Variants in CACNA2D1 observed in about 807,000 individuals in gnomAD.
CACNA2D1 encodes the protein voltage-dependent calcium channel subunit alpha-2/delta-1.
Under a neutral mutation model 171.5 loss-of-function variants are expected in CACNA2D1, and 53 were observed. The ratio of observed to expected loss-of-function variants is 0.31; its 90% CI spans 0.25 to 0.39. The LOEUF is 0.39. Among genes scored for constraint, CACNA2D1 ranks in the 10% least tolerant of loss-of-function variants. CACNA2D1 has a pLI of 1.00. For synonymous variants in CACNA2D1, 442 were observed against 443.1 expected (o/e 1.00, Z 0.03); for missense variants, 903 against 1,299.8 (o/e 0.69, Z 4.69).
At chr7:81,991,943 T>C (rs1267625996) in intron 20 of CACNA2D1, among the ~76,000 whole-genome samples, 9 of 151,478 alleles carry the variant, frequency 5.9e-5, no homozygotes. Flanking sequence ...CATGCTATTC[T>C]CCTGCTTCAG....
intron 3 of CACNA2D1, among the ~76,000 whole-genome samples, chr7:82,228,974 G>A (rs755268277): frequency 5.9e-5 from 9 of 152,110 alleles, no homozygotes; most frequent in Non-Finnish European, 1.2e-4. Context: ...TGACTCTAAT[G>A]TTAGCTTGAG....
chr7:82,439,021 T>C (rs1830303684), intron 1 of CACNA2D1, among the ~76,000 whole-genome samples: 1 of 152,162 alleles, frequency 6.6e-6, no homozygotes, highest in South Asian at 2.1e-4. Flanking sequence ...GCCTAAGATA[T>C]GTTTCATTTT....
intron 3 of CACNA2D1, among the ~76,000 whole-genome samples, chr7:82,322,710 C>T (rs796490988): frequency 7.9e-5 from 12 of 152,188 alleles, no homozygotes; most frequent in East Asian, 1.9e-4. Flanking sequence ...AATGATAAAT[C>T]GTATCAGGAG....
intron 7 of CACNA2D1, among the ~76,000 whole-genome samples, chr7:82,067,154 T>C (rs1325986378): frequency 8.5e-5 from 13 of 152,212 alleles, no homozygotes; most frequent in Admixed American, 8.5e-4. Flanking sequence ...CATCTAATTG[T>C]ATTGATTTTT....
In CACNA2D1 at chr7:82,301,774, T is replaced by C. The variant is rs201886168; in HGVS notation, c.294+33361A>G. On this transcript the variant is annotated intron_variant, in intron 3 of 38. Coordinates refer to ENST00000356860, the MANE Select transcript of CACNA2D1 (RefSeq NM_000722.4). ...ACACACACACACACACACACACACATAGAGAGAGAGAGACAGAGGCTCTCC... is the reference window on the plus strand; with the variant it reads ...ACACACACACACACACACACACACACAGAGAGAGAGAGACAGAGGCTCTCC... Among the ~76,000 whole-genome samples the C allele has an allele frequency of 2.1e-3, 223 of 108,438 alleles. 1 individual carries two copies. Among genetic ancestry groups the C allele is most frequent in the Admixed American group, 5.2e-3 (52 of 9,968 alleles). The allele number at this position is 108,438 out of a possible 152,430, so 71.1% of individuals were successfully genotyped here.
intron 1 of CACNA2D1, among the ~76,000 whole-genome samples, chr7:82,420,614 T>C (rs1162030418): frequency 6.6e-6 from 1 of 152,144 alleles, no homozygotes; most frequent in African/African-American, 2.4e-5. Context: ...AAGGTGGAAA[T>C]CCAGTTCTGT....
intron 1 of CACNA2D1, among the ~76,000 whole-genome samples, chr7:82,427,232 C>T (rs1404310430): frequency 6.6e-6 from 1 of 152,038 alleles, no homozygotes; most frequent in East Asian, 1.9e-4. Context: ...GAGAGGAAAA[C>T]ATCAAACTTC....
intron 7 of CACNA2D1, among the ~76,000 whole-genome samples, chr7:82,069,367 T>C (rs923233911): frequency 3.3e-5 from 5 of 152,158 alleles, no homozygotes; most frequent in African/African-American, 1.2e-4. Context: ...TCAGGAAGAT[T>C]TGGGGATGGG....
chr7:82,311,211 T>G (rs975816251), intron 3 of CACNA2D1, among the ~76,000 whole-genome samples: 1 of 152,120 alleles, frequency 6.6e-6, no homozygotes, highest in Non-Finnish European at 1.5e-5. Flanking sequence ...CTTATTCTGA[T>G]GCTTTTTGTC....
intron 7 of CACNA2D1, 33 bp from the exon 8 acceptor site, chr7:82,066,557 C>T: frequency 6.4e-7 from 1 of 1,559,152 alleles, no homozygotes; most frequent in South Asian, 1.2e-5. Context: ...GATATTAAAT[C>T]AAAATATTAG....
At chr7:82,185,426 AAAAT>A (rs1308125842) in intron 3 of CACNA2D1, among the ~76,000 whole-genome samples, 2 of 144,324 alleles carry the variant, frequency 1.4e-5, no homozygotes, top group Non-Finnish European at 3.0e-5. Flanking sequence ...ATCAATAAGA[AAAAT>A]AAATATCAAC....
intron 38 of CACNA2D1, among the ~76,000 whole-genome samples, chr7:81,956,518 TAATTGCCTA>T: frequency 6.6e-6 from 1 of 152,202 alleles, no homozygotes; most frequent in East Asian, 1.9e-4. Context: ...ATAATTCAAA[TAATTGCCTA>T]TATATCAATT....
intron 12 of CACNA2D1, among the ~76,000 whole-genome samples, chr7:82,022,051 C>A (rs1801282401): frequency 6.6e-6 from 1 of 151,958 alleles, no homozygotes; most frequent in Non-Finnish European, 1.5e-5. Flanking sequence ...TACTTAACCT[C>A]ATTTTTCATT....
At chr7:81,981,490 T>C (rs1360424208) in intron 24 of CACNA2D1, among the ~76,000 whole-genome samples, 8 of 152,098 alleles carry the variant, frequency 5.3e-5, no homozygotes, top group Middle Eastern at 3.2e-3. Context: ...GTAGAAACAA[T>C]TCAGAAATAT....
At chr7:82,149,575 C>T (rs1290792085) in intron 4 of CACNA2D1, among the ~76,000 whole-genome samples, 6 of 152,004 alleles carry the variant, frequency 3.9e-5, no homozygotes. Flanking sequence ...CACTCCTGCT[C>T]ATTCTGGCCA....
Position 82,014,407 on chromosome 7 carries a change from T to C in CACNA2D1, c.1216A>G (p.Asn406Asp). 1.3e-6 allele frequency: 2 copies of C among 1,560,964 alleles called. No homozygotes were observed. The highest frequency in any genetic ancestry group is 8.8e-7 in the Non-Finnish European group (1 of 1,131,662). Residue 406 changes from asparagine (N) to aspartate (D), a missense_variant, in exon 13 of 39, where the codon AAC (asparagine) becomes GAC (aspartate). By Grantham distance (23) the Asn-to-Asp change is conservative. Transcript: ENST00000356860. ...RGPIQWMACENKGYYYEIPSI... is the reference protein window; with the variant it reads ...RGPIQWMACEDKGYYYEIPSI... ...AAGAAAACAGATTTGTTACCTTTGTTTTCACAGGCCATCCACTGAATAGGT... is the reference window on the plus strand; with the variant it reads ...AAGAAAACAGATTTGTTACCTTTGTCTTCACAGGCCATCCACTGAATAGGT...
chr7:82,424,749 G>T (rs1158915807), intron 1 of CACNA2D1, among the ~76,000 whole-genome samples: 2 of 152,194 alleles, frequency 1.3e-5, no homozygotes, highest in African/African-American at 2.4e-5. Context: ...ACTAGTTAAT[G>T]AGCTACTGGA....
At chr7:82,324,805 G>A (rs1477707155) in intron 3 of CACNA2D1, among the ~76,000 whole-genome samples, 2 of 152,090 alleles carry the variant, frequency 1.3e-5, no homozygotes, top group Non-Finnish European at 2.9e-5. Flanking sequence ...TTATTAAGTG[G>A]AAGAAAATAG....
chr7:81,996,253 T>G (rs1798031102), intron 19 of CACNA2D1, among the ~76,000 whole-genome samples: 1 of 152,184 alleles, frequency 6.6e-6, no homozygotes, highest in East Asian at 1.9e-4. Context: ...GACACCAAGC[T>G]TGTCCCCATT....
Sources: gnomAD v4.1 joint callset for allele counts (sites outside exome capture counted in the v4.1 genomes callset) on GRCh38, gnomAD v4.1.1 for gene constraint, MANE v1.5 for transcripts, NCBI Gene and HGNC (gene_info 2026-07-23, HGNC 2026-07-21) for gene names.